Variants in OSBPL10 observed in about 807,000 individuals in gnomAD.
OSBPL10 encodes oxysterol-binding protein-related protein 10.
In OSBPL10, 49 loss-of-function variants were observed where a neutral mutation model predicts 81.7. That is an observed-to-expected ratio of 0.60 (90% CI 0.48 to 0.76). OSBPL10 has a LOEUF of 0.76. Among genes scored for constraint, OSBPL10 ranks in the 30% least tolerant of loss-of-function variants. OSBPL10 has a pLI of 0.00. For missense variants in OSBPL10, 923 were observed against 987.8 expected (o/e 0.93, Z 0.88); for synonymous variants, 419 against 383.6 (o/e 1.09, Z -1.08).
intron 6 of OSBPL10, among the ~76,000 whole-genome samples, chr3:31,719,718 G>A (rs923795335): frequency 2.0e-5 from 3 of 152,008 alleles, no homozygotes; most frequent in South Asian, 2.1e-4. Context: ...TTCCACTGCC[G>A]GAAAGTTTCC....
intron 2 of OSBPL10, among the ~76,000 whole-genome samples, chr3:32,019,060 G>A (rs889540839): frequency 2.6e-5 from 4 of 152,106 alleles, no homozygotes; most frequent in East Asian, 1.9e-4. Flanking sequence ...CTCCACCAAC[G>A]GCCTAAGCTA....
At chr3:31,960,325 A>G (rs989749040) in intron 1 of OSBPL10, 7 of 152,122 alleles carry the variant, frequency 4.6e-5, no homozygotes, top group African/African-American at 1.4e-4. Flanking sequence ...TGTCACTCAG[A>G]CCCTCAGCTT....
chr3:31,798,033 T>G (rs1206289751), intron 4 of OSBPL10, among the ~76,000 whole-genome samples: 1 of 152,166 alleles, frequency 6.6e-6, no homozygotes, highest in Non-Finnish European at 1.5e-5. Context: ...CTTAATATAT[T>G]TTTCTACTAA....
intron 1 of OSBPL10, among the ~76,000 whole-genome samples, chr3:32,058,250 C>G (rs944844440): frequency 3.3e-5 from 5 of 152,082 alleles, no homozygotes; most frequent in Admixed American, 2.6e-4. Flanking sequence ...TGTGATAAAC[C>G]AACTTTAGCA....
At chr3:32,062,901 C>T (rs1699759262) in intron 1 of OSBPL10, among the ~76,000 whole-genome samples, 1 of 94,620 alleles carries the variant, frequency 1.1e-5, no homozygotes, top group Non-Finnish European at 2.8e-5. Flanking sequence ...GATAATCAAT[C>T]CTTTAAAATA....
intron 4 of OSBPL10, chr3:31,797,859 G>A (rs1295966517): frequency 2.2e-6 from 1 of 451,782 alleles, no homozygotes; most frequent in Admixed American, 2.4e-5. Flanking sequence ...AATGGGGATG[G>A]GGGGGTGAAT....
intron 1 of OSBPL10, among the ~76,000 whole-genome samples, chr3:31,957,752 T>G (rs1260712818): frequency 6.6e-6 from 1 of 152,184 alleles, no homozygotes; most frequent in Admixed American, 6.5e-5. Context: ...GCAATTCTCC[T>G]GCCTCAGCCT....
At chr3:32,000,303 T>C (rs1039216188) in intron 2 of OSBPL10, among the ~76,000 whole-genome samples, 4 of 152,194 alleles carry the variant, frequency 2.6e-5, no homozygotes, top group African/African-American at 9.6e-5. Context: ...ATCAGAGTTA[T>C]ATTCGGCTTA....
chr3:31,861,537 T>C (rs1436493909), intron 3 of OSBPL10, among the ~76,000 whole-genome samples: 3 of 152,204 alleles, frequency 2.0e-5, no homozygotes, highest in East Asian at 1.9e-4. Context: ...CAGATACAGA[T>C]GACTGATTGT....
At chr3:31,788,678 C>T (rs530820073) in intron 4 of OSBPL10, among the ~76,000 whole-genome samples, 30 of 151,992 alleles carry the variant, frequency 2.0e-4, no homozygotes, top group Admixed American at 1.6e-3. Context: ...CTTAGGAGGC[C>T]GATGCAGGAG....
At chr3:31,696,611 C>CTA (rs1321663019) in intron 7 of OSBPL10, among the ~76,000 whole-genome samples, 1 of 152,238 alleles carries the variant, frequency 6.6e-6, no homozygotes, top group Non-Finnish European at 1.5e-5. Context: ...CATCACACTC[C>CTA]TCTGACTTCT....
intron 1 of OSBPL10, among the ~76,000 whole-genome samples, chr3:31,964,077 A>G (rs890727808): frequency 1.9e-4 from 29 of 152,172 alleles, no homozygotes; most frequent in Non-Finnish European, 2.2e-4. Context: ...ATGGAGGTGG[A>G]TGAACCTGGG....
At chr3:31,846,740 G>C (rs991433948) in intron 3 of OSBPL10, among the ~76,000 whole-genome samples, 2 of 149,674 alleles carry the variant, frequency 1.3e-5, no homozygotes, top group African/African-American at 4.9e-5. Flanking sequence ...TACCCTTTGG[G>C]CAAATCCAAA....
chr3:31,794,718 G>T, intron 4 of OSBPL10: 1 of 297,380 alleles, frequency 3.4e-6, no homozygotes, highest in Non-Finnish European at 7.0e-6. Flanking sequence ...GGACTCTGAG[G>T]GCAGGGGGGT....
At chr3:32,059,642 G>C (rs1056172041) in intron 1 of OSBPL10, among the ~76,000 whole-genome samples, 4 of 151,604 alleles carry the variant, frequency 2.6e-5, no homozygotes, top group African/African-American at 9.7e-5. Flanking sequence ...GCTAGGCCAG[G>C]CATGATGGGT....
In OSBPL10 at chr3:31,871,474, G is replaced by A. The variant is rs1701324979; in HGVS notation, c.537+4959C>T. On this transcript the variant is annotated intron_variant, in intron 3 of 11. Transcript: ENST00000396556. ...GTAACACTCACCGCAAGGGTCCACG[G>A]CTTCATTCTTGAAGTCAGTGAGACC... Among the ~76,000 whole-genome samples the A allele has an allele frequency of 3.9e-5, 6 of 152,288 alleles. No homozygotes were observed. In the South Asian group the frequency reaches 1.0e-3, roughly 26 times the overall value.
chr3:31,947,982 C>T (rs1050055071), intron 1 of OSBPL10, among the ~76,000 whole-genome samples: 2 of 152,178 alleles, frequency 1.3e-5, no homozygotes, highest in South Asian at 2.1e-4. Flanking sequence ...TACTCCCAAT[C>T]GTTGACTTCA....
In OSBPL10 at chr3:31,856,035, GTATAA is replaced by G. The variant is rs1033767745; in HGVS notation, c.537+20393_537+20397del. On this transcript the variant is annotated intron_variant, in intron 3 of 11. Coordinates refer to ENST00000396556, the MANE Select transcript of OSBPL10 (RefSeq NM_017784.5). ...CCTAAAAATATATATATTTATATAT[GTATAA>G]TATATGTTATATACATTTATGTTTA... Among the ~76,000 whole-genome samples the G allele has an allele frequency of 7.5e-5, 10 of 132,588 alleles. No individual in the cohort carries two copies. In the South Asian group the frequency reaches 7.6e-4, roughly 10 times the overall value. 87.0% of individuals were successfully genotyped at this position (132,588 alleles called of 152,430 possible).
At chr3:31,861,635 G>A (rs77304793) in intron 3 of OSBPL10, among the ~76,000 whole-genome samples, 1 of 152,008 alleles carries the variant, frequency 6.6e-6, no homozygotes, top group South Asian at 2.1e-4. Flanking sequence ...TGGCCTCTTT[G>A]GTGACACTAA....
Sources: allele counts gnomAD v4.1 joint callset (sites outside exome capture counted in the v4.1 genomes callset), GRCh38; gene constraint gnomAD v4.1.1; transcripts MANE v1.5; gene names NCBI Gene and HGNC (gene_info 2026-07-23, HGNC 2026-07-21).